CAST: variants seen among roughly 807,000 people sequenced by gnomAD.
CAST encodes calpastatin, also known as MIR583 host.
In CAST, 76 loss-of-function variants were observed where a neutral mutation model predicts 119.6. That is an observed-to-expected ratio of 0.64 (90% confidence interval 0.53 to 0.77). The LOEUF (loss-of-function observed/expected upper bound fraction) is 0.77, where lower values mean the gene tolerates loss of function less well. Among genes scored for constraint, CAST ranks in the 30% least tolerant of loss-of-function variants. The pLI is 0.00. For synonymous variants in CAST, 319 were observed against 331.6 expected (o/e 0.96, Z 0.41); for missense variants, 953 against 946.5 (o/e 1.01, Z -0.09).
chr5:96,033,369 T>G, the CAST span, among the ~76,000 whole-genome samples: 1 of 151,850 alleles, frequency 6.6e-6, no homozygotes, highest in Non-Finnish European at 1.5e-5. Context: ...AGTGTAGAGG[T>G]AGAGGTATCA....
intron 20 of CAST, among the ~76,000 whole-genome samples, chr5:96,752,562 ATTTTTTTTTTTTT>A (rs869108023): frequency 1.2e-4 from 2 of 16,126 alleles, no homozygotes; most frequent in South Asian, 2.0e-3. Flanking sequence ...AACCTCAGGG[ATTTTTTTTTTTTT>A]TTTTTTTTTT....
intron 3 of CAST, among the ~76,000 whole-genome samples, chr5:96,720,644 C>T (rs1758067379): frequency 6.6e-6 from 1 of 152,246 alleles, no homozygotes; most frequent in Non-Finnish European, 1.5e-5. Flanking sequence ...TGCGCCATTG[C>T]TGATTTTCAG....
At chr5:96,522,091 G>A (rs1238563290), upstream of CAST, among the ~76,000 whole-genome samples, 1 of 151,954 alleles carries the variant, frequency 6.6e-6, no homozygotes, top group Non-Finnish European at 1.5e-5. Context: ...ACTCCAGCCT[G>A]GGCGACAGAG....
chr5:96,018,067 C>T, the CAST span, among the ~76,000 whole-genome samples: 1 of 152,234 alleles, frequency 6.6e-6, no homozygotes, highest in East Asian at 1.9e-4. Flanking sequence ...AAGTAGTTAT[C>T]TATGCTCTTA....
At chr5:96,699,351 T>G (rs1272446870) in intron 3 of CAST, among the ~76,000 whole-genome samples, 1 of 152,222 alleles carries the variant, frequency 6.6e-6, no homozygotes, top group Admixed American at 6.5e-5. Flanking sequence ...AAGTTGTTAG[T>G]TCCAATTAGA....
the CAST span, among the ~76,000 whole-genome samples, chr5:96,185,724 C>A: frequency 6.6e-6 from 1 of 152,072 alleles, no homozygotes; most frequent in Non-Finnish European, 1.5e-5. Context: ...GTTCTTGTAC[C>A]AGTGCCATGC....
intron 1 of CAST, among the ~76,000 whole-genome samples, chr5:96,649,959 G>A (rs1205428898): frequency 6.6e-6 from 1 of 152,116 alleles, no homozygotes; most frequent in African/African-American, 2.4e-5. Flanking sequence ...AGTTTTACTT[G>A]GATATTCTCA....
intron 2 of CAST, among the ~76,000 whole-genome samples, chr5:96,684,915 G>A (rs1296388150): frequency 1.3e-5 from 2 of 151,870 alleles, no homozygotes; most frequent in Admixed American, 6.6e-5. Context: ...AGCTAAGGAT[G>A]TACTTTTTAA....
chr5:96,455,587 T>G, the CAST span, among the ~76,000 whole-genome samples: 1 of 152,344 alleles, frequency 6.6e-6, no homozygotes, highest in South Asian at 2.1e-4. Context: ...CTTTCTCCTT[T>G]GGTGAGCATG....
the CAST span, among the ~76,000 whole-genome samples, chr5:96,156,511 G>A: frequency 3.3e-5 from 5 of 152,292 alleles, no homozygotes; most frequent in East Asian, 9.6e-4. Context: ...ACCCAATTTA[G>A]AGGAGGAATA....
upstream of CAST, among the ~76,000 whole-genome samples, chr5:96,521,458 C>A (rs778765355): frequency 6.6e-6 from 1 of 152,174 alleles, no homozygotes; most frequent in Non-Finnish European, 1.5e-5. Context: ...GCCTAGTATG[C>A]AATGCCCTAC....
At chr5:96,439,961 A>G in the CAST span, among the ~76,000 whole-genome samples, 1 of 152,180 alleles carries the variant, frequency 6.6e-6, no homozygotes, top group African/African-American at 2.4e-5. Context: ...ACTGAAAGAG[A>G]AAACAAAGGT....
At chr5:96,326,333 T>C in the CAST span, among the ~76,000 whole-genome samples, 21 of 152,338 alleles carry the variant, frequency 1.4e-4, no homozygotes, top group African/African-American at 4.8e-4. Context: ...ATTAGTCTAA[T>C]GTCTCTACTA....
chr5:96,290,132 T>A, the CAST span, among the ~76,000 whole-genome samples: 1 of 152,226 alleles, frequency 6.6e-6, no homozygotes, highest in Non-Finnish European at 1.5e-5. Context: ...AAACATAACC[T>A]ACATTAATTT....
the CAST span, among the ~76,000 whole-genome samples, chr5:96,267,616 G>A: frequency 6.6e-6 from 1 of 151,990 alleles, no homozygotes; most frequent in African/African-American, 2.4e-5. Flanking sequence ...GTTTCTCCAC[G>A]ACAAAGAAAA....
the CAST span, among the ~76,000 whole-genome samples, chr5:96,197,694 T>G: frequency 6.6e-6 from 1 of 152,184 alleles, no homozygotes; most frequent in Non-Finnish European, 1.5e-5. Flanking sequence ...TGCTACCCCC[T>G]TCACAAATGA....
At chr5:96,405,243 A>G in the CAST span, among the ~76,000 whole-genome samples, 1 of 152,216 alleles carries the variant, frequency 6.6e-6, no homozygotes, top group Non-Finnish European at 1.5e-5. Flanking sequence ...AATTCTTATG[A>G]TAAGCACCTG....
the CAST span, among the ~76,000 whole-genome samples, chr5:96,147,563 A>C: frequency 2.0e-5 from 3 of 152,234 alleles, no homozygotes; most frequent in South Asian, 4.1e-4. Context: ...AGATCGCACC[A>C]CTGCACTCCA....
intron 9 of CAST, among the ~76,000 whole-genome samples, chr5:96,735,509 G>C (rs888380518): frequency 6.6e-6 from 1 of 152,164 alleles, no homozygotes; most frequent in East Asian, 1.9e-4. Context: ...TATACAGTGG[G>C]GACCAAAGTA....
Sources: allele counts gnomAD v4.1 joint callset (sites outside exome capture counted in the v4.1 genomes callset), GRCh38; gene constraint gnomAD v4.1.1; transcripts MANE v1.5; gene names NCBI Gene and HGNC (gene_info 2026-07-23, HGNC 2026-07-21).